Variants in COPG2 observed in about 807,000 individuals in gnomAD.
The protein encoded by COPG2 is coat protein complex I subunit gamma 2.
COPG2 carries 37 observed loss-of-function variants against 46.3 expected under a neutral mutation model. The ratio of observed to expected loss-of-function variants is 0.80; its 90% confidence interval spans 0.61 to 1.05. The LOEUF is 1.05. Among genes scored for constraint, COPG2 ranks in the 50% least tolerant of loss-of-function variants. The pLI, the probability that COPG2 is intolerant of heterozygous loss-of-function variation, is 0.00. For synonymous variants in COPG2, 159 were observed against 129.7 expected, an observed-to-expected ratio of 1.23 and a Z score of -1.53; for missense variants, 427 against 387.8, an observed-to-expected ratio of 1.10 and a Z score of -0.85.
chr7:130,641,762 T>C (rs1357907487), intron 5 of COPG2, among the ~76,000 whole-genome samples: 1 of 152,184 alleles, frequency 6.6e-6, no homozygotes, highest in African/African-American at 2.4e-5. Context: ...AGAAAAGTTG[T>C]TTCGGGCTTG....
At chr7:130,575,654 G>A (rs924590274) in intron 9 of COPG2, among the ~76,000 whole-genome samples, 25 of 151,914 alleles carry the variant, frequency 1.6e-4, no homozygotes, top group Admixed American at 1.5e-3. Flanking sequence ...AAGTTAAAAG[G>A]CAAAAACAAA....
chr7:130,571,691 T>C (rs1458969784), intron 9 of COPG2, among the ~76,000 whole-genome samples: 1 of 152,182 alleles, frequency 6.6e-6, no homozygotes, highest in Non-Finnish European at 1.5e-5. Flanking sequence ...AACCCACTAC[T>C]GGGTATCTAC....
intron 20 of COPG2, among the ~76,000 whole-genome samples, chr7:130,536,445 T>C (rs1182406787): frequency 2.0e-5 from 3 of 151,674 alleles, no homozygotes; most frequent in African/African-American, 7.3e-5. Flanking sequence ...ATCAGAGGGG[T>C]GAGCAGTGTT....
intron 4 of COPG2, among the ~76,000 whole-genome samples, chr7:130,654,084 T>C (rs954969505): frequency 3.9e-5 from 6 of 152,108 alleles, no homozygotes; most frequent in African/African-American, 1.4e-4. Context: ...AAATTACTTA[T>C]CCAATGAAAA....
chr7:130,574,639 T>G (rs190846094), intron 9 of COPG2, among the ~76,000 whole-genome samples: 2 of 152,154 alleles, frequency 1.3e-5, no homozygotes, highest in Admixed American at 1.3e-4. Flanking sequence ...CAAGGCTCTT[T>G]AACACCTCCC....
At chr7:130,509,065 C>T (rs782596669) in intron 20 of COPG2, 13 of 460,334 alleles carry the variant, frequency 2.8e-5, no homozygotes, top group Non-Finnish European at 5.2e-5. Flanking sequence ...TGGTAAAAAG[C>T]ATACAGATCA....
chr7:130,538,262 A>G (rs1262087855), intron 20 of COPG2, among the ~76,000 whole-genome samples: 2 of 152,144 alleles, frequency 1.3e-5, no homozygotes, highest in Admixed American at 1.3e-4. Context: ...GTGTGGAAAA[A>G]GTGAGACATT....
chr7:130,608,079 A>G, intron 9 of COPG2: 1 of 343,360 alleles, frequency 2.9e-6, no homozygotes, highest in Non-Finnish European at 5.7e-6. Flanking sequence ...TAAATATTCC[A>G]TTTTATCTTC....
intron 9 of COPG2, among the ~76,000 whole-genome samples, chr7:130,580,431 A>C: frequency 1.1e-5 from 1 of 88,026 alleles, no homozygotes; most frequent in East Asian, 4.0e-4. Context: ...TCACAATTAA[A>C]AGAACTAGAA....
intron 20 of COPG2, among the ~76,000 whole-genome samples, chr7:130,544,598 T>C (rs1793397203): frequency 1.3e-5 from 2 of 151,960 alleles, no homozygotes; most frequent in Non-Finnish European, 2.9e-5. Context: ...TTTGAATAGG[T>C]AGTGGAATAA....
chr7:130,588,023 C>T (rs1272302180), intron 9 of COPG2, among the ~76,000 whole-genome samples: 2 of 152,112 alleles, frequency 1.3e-5, no homozygotes, highest in Non-Finnish European at 2.9e-5. Flanking sequence ...GACATTTATG[C>T]AACCAAAAAA....
intron 9 of COPG2, chr7:130,602,740 T>G (rs1333151962): frequency 6.6e-6 from 1 of 152,312 alleles, no homozygotes; most frequent in Non-Finnish European, 1.5e-5. Context: ...CCCAAAGTGC[T>G]GGGACTACAG....
intron 9 of COPG2, among the ~76,000 whole-genome samples, chr7:130,571,233 G>T (rs537617304): frequency 6.6e-6 from 1 of 152,280 alleles, no homozygotes; most frequent in African/African-American, 2.4e-5. Context: ...TACAGCGAAA[G>T]AAATAATCAG....
chr7:130,523,879 G>A (rs1799749798), intron 20 of COPG2, among the ~76,000 whole-genome samples: 3 of 151,924 alleles, frequency 2.0e-5, no homozygotes, highest in Admixed American at 1.3e-4. Flanking sequence ...GGACTGACAG[G>A]AGCACCCAGG....
rs370231594 is a variant in COPG2 at position 130,610,912 on chromosome 7, C to T, written c.737+41G>A. ...AATAAACTCTAAGGTATATTAACTT[C>T]GCAAATGGAAAATAACCCAGGTTTA... On this transcript the variant is annotated intron_variant, in intron 9 of 23. Coordinates refer to ENST00000425248, the MANE Select transcript of COPG2 (RefSeq NM_012133.6). 790 of 1,607,136 alleles carry T rather than the reference C, an allele frequency of 4.9e-4. 6 individuals carry two copies. The African/African-American group carries it at 7.4e-3, about 15-fold the overall frequency.
chr7:130,530,944 A>AGG (rs1799818812), intron 20 of COPG2, among the ~76,000 whole-genome samples: 1 of 151,386 alleles, frequency 6.6e-6, no homozygotes, highest in Non-Finnish European at 1.5e-5. Context: ...AAAGTGTAAA[A>AGG]GGGGTGGACA....
chr7:130,543,012 G>A (rs1793369352), intron 20 of COPG2, among the ~76,000 whole-genome samples: 1 of 152,112 alleles, frequency 6.6e-6, no homozygotes, highest in African/African-American at 2.4e-5. Flanking sequence ...TACCTGTCAT[G>A]GTAACTACTT....
chr7:130,538,049 C>G (rs974384588), intron 20 of COPG2, among the ~76,000 whole-genome samples: 122,258 of 151,986 alleles, frequency 0.8, 49,362 homozygotes, highest in East Asian at 0.88. Flanking sequence ...CTCAGTACAG[C>G]AAGTTGAGGA....
intron 9 of COPG2, among the ~76,000 whole-genome samples, chr7:130,608,707 T>A (rs1355814279): frequency 2.6e-5 from 4 of 152,170 alleles, no homozygotes; most frequent in African/African-American, 4.8e-5. Flanking sequence ...GAATCTAATT[T>A]GTCTTTTTTT....
Sources: gnomAD v4.1 joint callset for allele counts (sites outside exome capture counted in the v4.1 genomes callset) on GRCh38, gnomAD v4.1.1 for gene constraint, MANE v1.5 for transcripts, NCBI Gene and HGNC (gene_info 2026-07-23, HGNC 2026-07-21) for gene names.